The following HDAC5 variants were observed in gnomAD, a reference collection of about 807,000 sequenced individuals.
HDAC5 encodes the protein antigen NY-CO-9.
A neutral mutation model predicts 133.3 loss-of-function variants in HDAC5; 25 were observed. The observed-to-expected ratio is 0.19, with a 90% CI of 0.14 to 0.26. The LOEUF (loss-of-function observed/expected upper bound fraction) is 0.26. Among genes scored for constraint, HDAC5 ranks in the 10% least tolerant of loss-of-function variants. The pLI is 1.00. For missense variants in HDAC5, 1,041 were observed against 1,460.5 expected (o/e 0.71, Z 4.68); for synonymous variants, 589 against 610.8 (o/e 0.96, Z 0.53).
Position 44,117,408 on chromosome 17 carries a change from G to T in HDAC5, c.22+86C>A, listed in dbSNP as rs771155771. The T allele has an allele frequency of 7.0e-7, 1 of 1,423,880 alleles. No individual in the cohort carries two copies. The highest frequency in any genetic ancestry group is 9.9e-7 in the Non-Finnish European group (1 of 1,006,464). The allele number at this position is 1,423,880 out of a possible 1,614,324, so 88.2% of individuals were successfully genotyped here. On this transcript the variant is annotated intron_variant, in intron 2 of 26. Transcript: ENST00000682912. This position sits in a 1 kb window ranked among gnomAD's most constrained non-coding sequence, Gnocchi z 4.2. ...TTCCCTTATAGCTCAGACAGTAAAG[G>T]TCAGCTGGCCTGGAAGGGAAACCCA...
At chr17:44,110,057 C>A (rs1391250403) in intron 3 of HDAC5, among the ~76,000 whole-genome samples, 1 of 152,254 alleles carries the variant, frequency 6.6e-6, no homozygotes, top group Non-Finnish European at 1.5e-5. Flanking sequence ...CCCATCTGAG[C>A]CAGAGTAACA....
At chr17:44,099,347 G>A (rs1210015515) in intron 3 of HDAC5, among the ~76,000 whole-genome samples, 1 of 152,102 alleles carries the variant, frequency 6.6e-6, no homozygotes, top group Non-Finnish European at 1.5e-5. Flanking sequence ...CTTCTCCTGG[G>A]AGTGGTGGCC....
At chr17:44,094,256 G>A (rs925322007) in intron 3 of HDAC5, among the ~76,000 whole-genome samples, 2 of 152,058 alleles carry the variant, frequency 1.3e-5, no homozygotes, top group South Asian at 2.1e-4. Context: ...CCCGGGAGGC[G>A]GAGGTTGCAG....
chr17:44,091,490 G>A lies in HDAC5; in HGVS notation c.1167C>T (p.Ala389=). ...CCTGCTGTGTCGACAGCTTCGGGGA[G>A]GCCTGGGGGGTGAAGGGAGGGGCTT... is the stretch of plus-strand genomic sequence containing the variant. The part of the protein sequence containing the change: ...TVTVTNSHLT[A]SPKLSTQQEA... The change falls in exon 11 of 27, where the codon GCC becomes GCT. Residue 389 remains alanine (A), a splice_region_variant and synonymous_variant. Coordinates refer to ENST00000682912, the MANE Select transcript of HDAC5 (RefSeq NM_005474.5). 1 of 1,546,016 alleles carries A rather than the reference G, an allele frequency of 6.5e-7. No homozygotes were observed. The highest frequency in any genetic ancestry group is 2.3e-5 in the East Asian group (1 of 44,326).
chr17:44,102,262 T>C (rs966130961), intron 3 of HDAC5, among the ~76,000 whole-genome samples: 1 of 152,224 alleles, frequency 6.6e-6, no homozygotes, highest in Admixed American at 6.5e-5. Flanking sequence ...CTTTTTAAAA[T>C]CTGCACAAAA....
chr17:44,110,057 C>T (rs1391250403), intron 3 of HDAC5, among the ~76,000 whole-genome samples: 1 of 152,254 alleles, frequency 6.6e-6, no homozygotes, highest in Non-Finnish European at 1.5e-5. Flanking sequence ...CCCATCTGAG[C>T]CAGAGTAACA....
chr17:44,112,465 T>C (rs1171316864), intron 2 of HDAC5, among the ~76,000 whole-genome samples: 1 of 152,080 alleles, frequency 6.6e-6, no homozygotes, highest in Non-Finnish European at 1.5e-5. Flanking sequence ...CCTGTGTCTA[T>C]ATCCCCCTCC....
intron 3 of HDAC5, 21 bp downstream of exon 3, chr17:44,110,708 C>G (rs1461563822): frequency 6.2e-7 from 1 of 1,604,578 alleles, no homozygotes; most frequent in East Asian, 2.2e-5. Context: ...AGAGGGCAGG[C>G]AGGGACATCA....
At position 44,078,024 on chromosome 17, in the gene HDAC5, C is replaced by T. The variant is rs1213024733; in HGVS notation, c.*352G>A. The T allele has an allele frequency of 3.5e-5, 8 of 230,788 alleles. No homozygotes were observed. The East Asian group carries it at 6.6e-4, about 19-fold the overall frequency. 14.3% of individuals were successfully genotyped at this position (230,788 alleles called of 1,614,324 possible). On this transcript the variant is annotated 3_prime_UTR_variant, in exon 27 of 27. Transcript: ENST00000682912. ...GAAACCAAGGCACCGACTTCCCGTT[C>T]CCTCCTCACTCGGGGGGCCCCAGAA...
At chr17:44,118,814 A>G (rs1480935893) in intron 1 of HDAC5, among the ~76,000 whole-genome samples, 1 of 152,124 alleles carries the variant, frequency 6.6e-6, no homozygotes, top group Non-Finnish European at 1.5e-5. Flanking sequence ...CTGCTCCCCA[A>G]GCCTCGAACC....
At chr17:44,101,811 TG>T (rs1426596713) in intron 3 of HDAC5, among the ~76,000 whole-genome samples, 1 of 151,748 alleles carries the variant, frequency 6.6e-6, no homozygotes, top group Admixed American at 6.6e-5. Context: ...CCATGTGGGA[TG>T]TCCTATGTGC....
intron 23 of HDAC5, 24 bp from the exon 24 acceptor site, chr17:44,079,301 A>G: frequency 6.2e-7 from 1 of 1,608,958 alleles, no homozygotes; most frequent in Non-Finnish European, 8.5e-7. Flanking sequence ...TGAAGGGAGG[A>G]AGAAGAAATG....
rs184153385 is a variant in HDAC5, at chr17:44,082,285, C to T, written c.2607+300G>A. 8.2e-5 allele frequency: 35 copies of T among 426,632 alleles called. 1 individual carries two copies. The highest frequency in any genetic ancestry group is 5.3e-4 in the African/African-American group (27 of 50,882). 26.4% of individuals were successfully genotyped at this position (426,632 alleles called of 1,614,324 possible). ...AGGAAATATCGGCTACTAGCAATGG[C>T]GGCAGCGTCACTACCGTTCAAGGTA... On this transcript the variant is annotated intron_variant, in intron 20 of 26. Transcript: ENST00000682912.
intron 13 of HDAC5, 48 bp from the exon 14 acceptor site, chr17:44,086,785 G>A: frequency 7.9e-7 from 1 of 1,258,948 alleles, no homozygotes; most frequent in Non-Finnish European, 1.0e-6. Flanking sequence ...AGCCAGGACA[G>A]GGGTGAGGGC....
At chr17:44,100,664 T>C (rs987658854) in intron 3 of HDAC5, among the ~76,000 whole-genome samples, 3 of 149,674 alleles carry the variant, frequency 2.0e-5, no homozygotes, top group Non-Finnish European at 4.4e-5. Flanking sequence ...GGCAGGAGAA[T>C]CACTTGAACC....
chr17:44,082,371 T>C (rs896065767), intron 20 of HDAC5: 18 of 584,322 alleles, frequency 3.1e-5, no homozygotes, highest in Admixed American at 2.1e-4. Context: ...AGGAGCTAAA[T>C]GTCTTTCATA....
At chr17:44,105,471 G>A (rs549590415) in intron 3 of HDAC5, among the ~76,000 whole-genome samples, 4 of 152,312 alleles carry the variant, frequency 2.6e-5, no homozygotes, top group African/African-American at 4.8e-5. Flanking sequence ...GCAAGTAAAA[G>A]GCACACTAAC....
At chr17:44,089,788 G>C (rs1321152052) in intron 11 of HDAC5, among the ~76,000 whole-genome samples, 1 of 149,386 alleles carries the variant, frequency 6.7e-6, no homozygotes, top group Non-Finnish European at 1.5e-5. Context: ...GCTGGGTGTG[G>C]TGGCACACGC....
Position 44,117,236 on chromosome 17 carries a change from G to C in HDAC5, c.22+258C>G, listed in dbSNP as rs2052701831. The stretch of plus-strand genomic sequence containing the variant: ...AGCAGGGGAAGGCGAAGCTGGAGCT[G>C]AACACCCCTAAGTTGAGAGGGCAAG... On this transcript the variant is annotated intron_variant, in intron 2 of 26. Coordinates refer to ENST00000682912, the MANE Select transcript of HDAC5 (RefSeq NM_005474.5). This position sits in a 1 kb window ranked among gnomAD's most constrained non-coding sequence, Gnocchi z 4.2. 6.6e-6 allele frequency among the ~76,000 whole-genome samples: 1 copy of C among 152,208 alleles called. No homozygotes were observed. Among genetic ancestry groups the C allele is most frequent in the Non-Finnish European group, 1.5e-5 (1 of 68,038 alleles).
Sources: gnomAD v4.1 joint callset for allele counts (sites outside exome capture counted in the v4.1 genomes callset) on GRCh38, gnomAD v4.1.1 for gene constraint, Gnocchi (gnomAD v3.1) non-coding constraint, MANE v1.5 for transcripts, NCBI Gene and HGNC (gene_info 2026-07-23, HGNC 2026-07-21) for gene names.